The following ADARB2 variants were observed in gnomAD, a reference collection of about 807,000 sequenced individuals.
The protein encoded by ADARB2 is inactive double-stranded RNA-specific editase B2.
Under a neutral mutation model 62.2 loss-of-function variants are expected in ADARB2, and 25 were observed. That is an observed-to-expected ratio of 0.40 (90% CI 0.29 to 0.56). ADARB2 has a LOEUF of 0.56. Among genes scored for constraint, ADARB2 ranks in the 20% least tolerant of loss-of-function variants. The pLI, the probability that ADARB2 is intolerant of heterozygous loss-of-function variation, is 0.43. For missense variants in ADARB2, 1,071 were observed against 1,077.4 expected, an observed-to-expected ratio of 0.99 and a Z score of 0.08; for synonymous variants, 572 against 500.8, an observed-to-expected ratio of 1.14 and a Z score of -1.90.
At chr10:1,736,965 G>A (rs1835309729) in intron 1 of ADARB2, 86 bp downstream of exon 1, 3 of 1,395,180 alleles carry the variant, frequency 2.2e-6, no homozygotes, top group Non-Finnish European at 3.0e-6. Context: ...GCTCACAACG[G>A]ACAAGCCCGG....
intron 3 of ADARB2, among the ~76,000 whole-genome samples, chr10:1,311,779 C>G (rs574033164): frequency 2.5e-3 from 384 of 152,334 alleles, no homozygotes; most frequent in Non-Finnish European, 3.7e-3. Context: ...AGCTGGCACC[C>G]GAGCTACCAT....
chr10:1,710,628 G>A (rs572605829), intron 1 of ADARB2, among the ~76,000 whole-genome samples: 28 of 152,324 alleles, frequency 1.8e-4, no homozygotes, highest in African/African-American at 6.5e-4. Flanking sequence ...AATCTGGTGT[G>A]CTGATCAGTT....
intron 7 of ADARB2, among the ~76,000 whole-genome samples, chr10:1,213,310 TAGAGACAGACGC>T (rs1031505787): frequency 2.0e-5 from 3 of 148,618 alleles, no homozygotes; most frequent in Non-Finnish European, 4.5e-5. Context: ...GGGAGAGACA[TAGAGACAGACGC>T]AGAGACAGAG....
intron 4 of ADARB2, among the ~76,000 whole-genome samples, chr10:1,264,876 T>G (rs1256509564): frequency 6.6e-6 from 1 of 152,230 alleles, no homozygotes; most frequent in Non-Finnish European, 1.5e-5. Context: ...AAGCTGGACC[T>G]TAGTTTAAAT....
intron 7 of ADARB2, among the ~76,000 whole-genome samples, chr10:1,212,522 CG>C (rs1209532188): frequency 1.3e-5 from 2 of 152,204 alleles, no homozygotes; most frequent in Non-Finnish European, 2.9e-5. Context: ...CTGTCATTGT[CG>C]GGACCATGGC....
intron 1 of ADARB2, among the ~76,000 whole-genome samples, chr10:1,714,863 T>G (rs1193637133): frequency 6.6e-6 from 1 of 152,176 alleles, no homozygotes; most frequent in East Asian, 1.9e-4. Flanking sequence ...TTTTTTAAAA[T>G]TATTATACTT....
intron 1 of ADARB2, among the ~76,000 whole-genome samples, chr10:1,567,784 G>A (rs967654480): frequency 6.6e-6 from 1 of 152,322 alleles, no homozygotes; most frequent in East Asian, 1.9e-4. Context: ...CATGCGCACA[G>A]CAGGGGCTCA....
At chr10:1,600,217 G>A (rs560159218) in intron 1 of ADARB2, among the ~76,000 whole-genome samples, 1 of 152,252 alleles carries the variant, frequency 6.6e-6, no homozygotes, top group Non-Finnish European at 1.5e-5. Flanking sequence ...GCCTCAGATG[G>A]GCCCATTAGG....
intron 1 of ADARB2, among the ~76,000 whole-genome samples, chr10:1,728,654 T>C (rs545590588): frequency 2.0e-5 from 3 of 152,340 alleles, no homozygotes; most frequent in East Asian, 3.9e-4. Flanking sequence ...CTCAGGTGAT[T>C]ACATAAAATT....
chr10:1,709,290 G>A (rs1834925596), intron 1 of ADARB2, among the ~76,000 whole-genome samples: 1 of 152,222 alleles, frequency 6.6e-6, no homozygotes, highest in Non-Finnish European at 1.5e-5. Flanking sequence ...TGATGAGGGG[G>A]AAAGTATTTC....
chr10:1,630,271 G>A (rs371355305), intron 1 of ADARB2, among the ~76,000 whole-genome samples: 23 of 152,140 alleles, frequency 1.5e-4, no homozygotes, highest in Non-Finnish European at 2.1e-4. Context: ...TTATGTTCTC[G>A]TGAGGATGGG....
chr10:1,264,362 T>TTG (rs1007776801), intron 4 of ADARB2, among the ~76,000 whole-genome samples: 12 of 152,100 alleles, frequency 7.9e-5, no homozygotes, highest in Non-Finnish European at 1.5e-4. Context: ...TTTTGAAAAA[T>TTG]TGGGGGAATA....
chr10:1,531,010 G>A (rs1420162457), intron 1 of ADARB2, among the ~76,000 whole-genome samples: 3 of 152,138 alleles, frequency 2.0e-5, no homozygotes, highest in Non-Finnish European at 4.4e-5. Context: ...CGGCAAGGTC[G>A]GCCCTGAGCA....
intron 1 of ADARB2, among the ~76,000 whole-genome samples, chr10:1,511,817 C>T (rs898118026): frequency 6.6e-6 from 1 of 151,858 alleles, no homozygotes; most frequent in East Asian, 1.9e-4. Flanking sequence ...GACGTCAATG[C>T]TGTCTACACT....
intron 1 of ADARB2, among the ~76,000 whole-genome samples, chr10:1,558,216 C>G (rs1460463064): frequency 6.6e-6 from 1 of 151,970 alleles, no homozygotes; most frequent in East Asian, 1.9e-4. Context: ...AAATCTTCAT[C>G]CCACCTCTGC....
At chr10:1,555,733 G>A (rs769560533) in intron 1 of ADARB2, among the ~76,000 whole-genome samples, 5 of 152,182 alleles carry the variant, frequency 3.3e-5, no homozygotes, top group Non-Finnish European at 5.9e-5. Flanking sequence ...TCAGGAGTTC[G>A]AGATCAGCCT....
intron 2 of ADARB2, among the ~76,000 whole-genome samples, chr10:1,369,219 A>G (rs1457451743): frequency 6.6e-6 from 1 of 152,180 alleles, no homozygotes; most frequent in East Asian, 1.9e-4. Flanking sequence ...ACACTCAGTC[A>G]TCGTATATAA....
chr10:1,471,036 G>C (rs182949993), intron 1 of ADARB2, among the ~76,000 whole-genome samples: 1 of 152,284 alleles, frequency 6.6e-6, no homozygotes, highest in African/African-American at 2.4e-5. Context: ...TCCAGCCTGG[G>C]CAACAGAGTG....
chr10:1,368,930 G>A (rs9419490), intron 2 of ADARB2, among the ~76,000 whole-genome samples: 561 of 112,376 alleles, frequency 5.0e-3, no homozygotes, highest in East Asian at 9.7e-3. Context: ...TGGTCCTGTG[G>A]CAGTCGTGGG....
Sources: allele counts gnomAD v4.1 joint callset (sites outside exome capture counted in the v4.1 genomes callset), GRCh38; gene constraint gnomAD v4.1.1; transcripts MANE v1.5; gene names NCBI Gene and HGNC (gene_info 2026-07-23, HGNC 2026-07-21).